ATAD1: variants seen among roughly 807,000 people sequenced by gnomAD.
ATAD1 encodes ATPase family AAA domain containing 1.
In ATAD1, 18 loss-of-function variants were observed where a neutral mutation model predicts 42.7. The ratio of observed to expected loss-of-function variants is 0.42; its 90% CI spans 0.29 to 0.63. The LOEUF (loss-of-function observed/expected upper bound fraction) is 0.63. ATAD1 is among the 20% of genes least tolerant of loss of function. ATAD1 has a pLI of 0.19. For synonymous variants in ATAD1, 132 were observed against 143.1 expected, an observed-to-expected ratio of 0.92 and a Z score of 0.55; for missense variants, 294 against 440.4, an observed-to-expected ratio of 0.67 and a Z score of 2.98.
At position 87,814,540 on chromosome 10, in the gene ATAD1, A is replaced by G. The variant is rs747835811; in HGVS notation, c.60T>C (p.Ile20=). 3 of 1,612,460 alleles carry G rather than the reference A, an allele frequency of 1.9e-6. No homozygotes were observed. The East Asian group carries it at 6.7e-5, about 36-fold the overall frequency. ...CTGCACCAAATATTGTCAAACGGAA[A>G]ATTAAACCAACAACTTCATTCCGAC... ...PLSRNEVVGL[I]FRLTIFGAVT... is the part of the protein sequence containing the mutation. Residue 20 remains isoleucine (I), a synonymous_variant, in exon 2 of 10, where the codon ATT becomes ATC. Coordinates refer to ENST00000680024, the MANE Select transcript of ATAD1 (RefSeq NM_001321967.2).
chr10:87,840,469 A>G (rs1858011631), intron 1 of ATAD1, among the ~76,000 whole-genome samples: 1 of 152,198 alleles, frequency 6.6e-6, no homozygotes, highest in Non-Finnish European at 1.5e-5. Flanking sequence ...TAGGTGACAG[A>G]GTGAGACCCT....
At chr10:87,798,658 T>A (rs1201859638) in intron 2 of ATAD1, among the ~76,000 whole-genome samples, 1 of 76,914 alleles carries the variant, frequency 1.3e-5, no homozygotes, top group East Asian at 3.0e-4. Flanking sequence ...GTGTGTGTAT[T>A]TAAAATGCCT....
chr10:87,770,928 A>G, intron 7 of ATAD1, 24 bp downstream of exon 7: 2 of 1,595,258 alleles, frequency 1.3e-6, no homozygotes, highest in Admixed American at 1.7e-5. Context: ...TTAACTCTTC[A>G]TAATATCAAT....
chr10:87,818,887 C>A (rs182051929), upstream of ATAD1: 275 of 152,362 alleles, frequency 1.8e-3, no homozygotes, highest in Middle Eastern at 6.8e-3. Context: ...TTCTTTCACC[C>A]CTTTTCCTTT....
At chr10:87,791,765 C>T (rs1236605556) in intron 3 of ATAD1, among the ~76,000 whole-genome samples, 1 of 152,094 alleles carries the variant, frequency 6.6e-6, no homozygotes, top group Non-Finnish European at 1.5e-5. Flanking sequence ...CTTATTGTTA[C>T]AAAATATTGA....
chr10:87,823,129 T>C (rs1857661713), upstream of ATAD1, among the ~76,000 whole-genome samples: 2 of 150,776 alleles, frequency 1.3e-5, no homozygotes, highest in South Asian at 2.1e-4. Context: ...TCAAAGAACA[T>C]ATTGCTGTAA....
intron 5 of ATAD1, 102 bp from the exon 6 acceptor site, chr10:87,776,529 C>T (rs910653016): frequency 2.5e-5 from 22 of 863,996 alleles, no homozygotes; most frequent in Admixed American, 6.7e-5. Context: ...GGTGCAATGG[C>T]GCAATTACAG....
At chr10:87,782,201 TA>T (rs993056849) in intron 5 of ATAD1, among the ~76,000 whole-genome samples, 1 of 152,172 alleles carries the variant, frequency 6.6e-6, no homozygotes, top group African/African-American at 2.4e-5. Flanking sequence ...GCAACAAGAT[TA>T]AAAAGATTAG....
At position 87,753,842 on chromosome 10, in the gene ATAD1, T is replaced by TAA. The variant is rs536659328; in HGVS notation, c.*843_*844dup. On this transcript the variant is annotated 3_prime_UTR_variant, in exon 10 of 10. Transcript: ENST00000680024. ...AAAAAGGAAAGAAATGTACATGTAT[T>TAA]AAAGGGTACTGAGGTTTTTCAAACC... 9.8e-5 allele frequency: 15 copies of TAA among 152,748 alleles called. No homozygotes were observed. In the East Asian group the frequency reaches 2.9e-3, roughly 29 times the overall value. 9.5% of individuals were successfully genotyped at this position (152,748 alleles called of 1,614,324 possible).
chr10:87,775,238 T>C (rs971877959), intron 6 of ATAD1, among the ~76,000 whole-genome samples: 2 of 151,452 alleles, frequency 1.3e-5, no homozygotes, highest in East Asian at 1.9e-4. Context: ...CTGGCCAACA[T>C]AGTGAAACCC....
chr10:87,770,105 T>G (rs1589477112), intron 7 of ATAD1, among the ~76,000 whole-genome samples: 1 of 152,180 alleles, frequency 6.6e-6, no homozygotes, highest in Non-Finnish European at 1.5e-5. Context: ...CAGAGTAATT[T>G]TATAGAGTCC....
chr10:87,791,137 G>A (rs988796111), intron 3 of ATAD1, among the ~76,000 whole-genome samples: 8 of 150,308 alleles, frequency 5.3e-5, no homozygotes, highest in African/African-American at 1.5e-4. Flanking sequence ...CCTGGGAGGC[G>A]GAGGTTACAG....
intron 2 of ATAD1, among the ~76,000 whole-genome samples, chr10:87,812,398 T>C (rs112922632): frequency 4.2e-4 from 64 of 152,142 alleles, no homozygotes; most frequent in African/African-American, 1.5e-3. Context: ...ACCTCCCGAG[T>C]AGCTGGGTGT....
intron 1 of ATAD1, chr10:87,817,914 T>C (rs1373542870): frequency 2.8e-5 from 28 of 985,498 alleles, no homozygotes; most frequent in Non-Finnish European, 3.1e-5. Flanking sequence ...GGCACGAGTC[T>C]TGGGGAAGAG....
intron 9 of ATAD1, among the ~76,000 whole-genome samples, chr10:87,756,418 T>C (rs115112112): frequency 0.016 from 2,499 of 152,292 alleles, 59 homozygotes; most frequent in African/African-American, 0.057. Context: ...CCAAGTAAAA[T>C]TGCTGCAGTG....
At chr10:87,834,847 AG>A (rs1302581969) in intron 1 of ATAD1, among the ~76,000 whole-genome samples, 3 of 151,842 alleles carry the variant, frequency 2.0e-5, no homozygotes, top group Non-Finnish European at 4.4e-5. Context: ...AGCTTCTTAA[AG>A]ATCAGTGACG....
At chr10:87,771,931 C>A (rs192488063) in intron 6 of ATAD1, among the ~76,000 whole-genome samples, 2 of 152,224 alleles carry the variant, frequency 1.3e-5, no homozygotes, top group East Asian at 3.9e-4. Flanking sequence ...AAACACATTT[C>A]TCTAACATTA....
At chr10:87,800,195 TAC>T (rs956885080) in intron 2 of ATAD1, among the ~76,000 whole-genome samples, 1 of 152,048 alleles carries the variant, frequency 6.6e-6, no homozygotes, top group Non-Finnish European at 1.5e-5. Flanking sequence ...TATATATATA[TAC>T]ACACACACTA....
chr10:87,817,059 A>G (rs745576953), intron 1 of ATAD1, among the ~76,000 whole-genome samples: 4 of 152,190 alleles, frequency 2.6e-5, no homozygotes, highest in Non-Finnish European at 5.9e-5. Flanking sequence ...GAAATTTTTA[A>G]TGTAATAAAG....
Sources: allele counts gnomAD v4.1 joint callset (sites outside exome capture counted in the v4.1 genomes callset), GRCh38; gene constraint gnomAD v4.1.1; transcripts MANE v1.5; gene names NCBI Gene and HGNC (gene_info 2026-07-23, HGNC 2026-07-21).